KAZN: variants seen among roughly 807,000 people sequenced by gnomAD.
KAZN encodes the protein kazrin, periplakin interacting protein, also known as kazrin.
Under a neutral mutation model 87.4 loss-of-function variants are expected in KAZN, and 40 were observed. The ratio of observed to expected loss-of-function variants is 0.46; its 90% CI spans 0.36 to 0.60. The LOEUF is 0.60. Ranked by LOEUF, KAZN falls within the 20% of genes least tolerant of loss-of-function variation. KAZN has a pLI of 0.00. For missense variants in KAZN, 898 were observed against 1,073.9 expected (o/e 0.84, Z 2.29); for synonymous variants, 466 against 458.3 (o/e 1.02, Z -0.22).
chr1:15,043,204 G>T (rs1431281912), intron 3 of KAZN, among the ~76,000 whole-genome samples: 1 of 152,232 alleles, frequency 6.6e-6, no homozygotes. Flanking sequence ...GGACCTTGTG[G>T]CAGTCCAGAC....
Position 14,919,759 on chromosome 1 carries a change from G to A in KAZN, c.227-40925G>A, listed in dbSNP as rs148713579. ...CGCATATCTGATGATGGTCCCGTAA[G>A]ATTATACTGTATTTTTACTGTAGTT... is the stretch of plus-strand genomic sequence containing the variant. On this transcript the variant is annotated intron_variant, in intron 1 of 14. Coordinates refer to ENST00000376030, the MANE Select transcript of KAZN (RefSeq NM_201628.3). 3.3e-5 allele frequency among the ~76,000 whole-genome samples: 5 copies of A among 152,316 alleles called. No homozygotes were observed. In the East Asian group the frequency reaches 9.7e-4, roughly 29 times the overall value.
chr1:14,495,128 T>C (rs915029841), intron 2 of KAZN, among the ~76,000 whole-genome samples: 1 of 152,258 alleles, frequency 6.6e-6, no homozygotes, highest in African/African-American at 2.4e-5. Context: ...CAGAACGGTA[T>C]GCATCATTAA....
Position 14,154,993 on chromosome 1 carries a change from C to CCTTCCTTCCTTCCTTA in KAZN, c.92-25439_92-25438insCCTTCCTTCCTTACTT, listed in dbSNP as rs1440736028. Among the ~76,000 whole-genome samples, 5 of 143,170 alleles carry CCTTCCTTCCTTCCTTA rather than the reference C, an allele frequency of 3.5e-5. 1 individual carries two copies. Among genetic ancestry groups the CCTTCCTTCCTTCCTTA allele is most frequent in the African/African-American group, 1.2e-4 (5 of 40,154 alleles). The allele number at this position is 143,170 out of a possible 152,430, so 93.9% of individuals were successfully genotyped here. On this transcript the variant is annotated intron_variant, in intron 1 of 16. Coordinates refer to the KAZN transcript ENST00000636203. ...TCCTTCCTTCCTTCCTTCCTTCCTT[C>CCTTCCTTCCTTCCTTA]CTTTTTCTGATGTGTCTTTGCCTGG...
rs775828163 is a variant in KAZN, at chr1:14,769,707, C to A, written c.226+170484C>A. 6.6e-6 allele frequency among the ~76,000 whole-genome samples: 1 copy of A among 152,174 alleles called. No individual in the cohort carries two copies. The highest frequency in any genetic ancestry group is 1.5e-5 in the Non-Finnish European group (1 of 68,048). On this transcript the variant is annotated intron_variant, in intron 1 of 14. Coordinates refer to ENST00000376030, the MANE Select transcript of KAZN (RefSeq NM_201628.3). This position sits in a 1 kb window ranked among gnomAD's most constrained non-coding sequence, Gnocchi z 4.1. ...CTCTTGATTAGTGTCTAAGTGATTGCGGGAAATTAACACTGGTCCTTCATT... is the reference window on the plus strand; with the variant it reads ...CTCTTGATTAGTGTCTAAGTGATTGAGGGAAATTAACACTGGTCCTTCATT...
chr1:14,830,062 A>G (rs1190525657), intron 1 of KAZN, among the ~76,000 whole-genome samples: 1 of 152,232 alleles, frequency 6.6e-6, no homozygotes, highest in East Asian at 1.9e-4. Flanking sequence ...TGGTTTAATA[A>G]TAACAGGTGT....
At chr1:14,521,908 T>A (rs940392477) in intron 2 of KAZN, among the ~76,000 whole-genome samples, 3 of 152,108 alleles carry the variant, frequency 2.0e-5, no homozygotes, top group Non-Finnish European at 4.4e-5. Context: ...TAGGAAAAAA[T>A]TCATTTTCGG....
chr1:14,885,320 C>T (rs918381233), intron 1 of KAZN, among the ~76,000 whole-genome samples: 14 of 151,992 alleles, frequency 9.2e-5, no homozygotes, highest in Non-Finnish European at 1.5e-5. Flanking sequence ...GCTCCTTCTG[C>T]CTGCTGAACA....
chr1:13,993,061 G>C (rs1639358164), intron 1 of KAZN, among the ~76,000 whole-genome samples: 1 of 152,130 alleles, frequency 6.6e-6, no homozygotes, highest in African/African-American at 2.4e-5. Flanking sequence ...TGTCAGGCTT[G>C]ACCATGTGAT....
intron 1 of KAZN, among the ~76,000 whole-genome samples, chr1:14,044,558 G>A (rs1641977273): frequency 6.6e-6 from 1 of 152,226 alleles, no homozygotes; most frequent in African/African-American, 2.4e-5. Context: ...TGACTAGCAT[G>A]TTGTAAGGAC....
chr1:14,870,153 A>G (rs1651980560), intron 1 of KAZN, among the ~76,000 whole-genome samples: 2 of 152,004 alleles, frequency 1.3e-5, no homozygotes, highest in Non-Finnish European at 2.9e-5. Flanking sequence ...TGCTGGGGAG[A>G]TTCCTTGAAC....
chr1:14,791,765 G>C (rs895502359), intron 1 of KAZN, among the ~76,000 whole-genome samples: 3 of 152,252 alleles, frequency 2.0e-5, no homozygotes, highest in African/African-American at 7.2e-5. Flanking sequence ...TCCCTGGCAC[G>C]CTTGCCTGAG....
chr1:14,961,616 C>T (rs1557664571), intron 2 of KAZN, among the ~76,000 whole-genome samples: 2 of 152,198 alleles, frequency 1.3e-5, no homozygotes, highest in African/African-American at 2.4e-5. Flanking sequence ...GCTTGGAGAA[C>T]TCAGGCATGA....
At chr1:14,123,383 A>G (rs1007867211) in intron 1 of KAZN, among the ~76,000 whole-genome samples, 1 of 152,172 alleles carries the variant, frequency 6.6e-6, no homozygotes, top group Admixed American at 6.5e-5. Context: ...GTTGATGTGT[A>G]TGTACCTTCT....
rs57257656 is a variant in KAZN, at chr1:15,019,534, G to A, written c.419-15215G>A. 4.9e-4 allele frequency among the ~76,000 whole-genome samples: 74 copies of A among 152,204 alleles called. 1 individual carries two copies. In the East Asian group the frequency reaches 0.011, roughly 23 times the overall value. On this transcript the variant is annotated intron_variant, in intron 2 of 14. Transcript: ENST00000376030. Reference sequence around the variant, plus strand: ...CTCCCTAGTATCTGGGATTACAAGCGCCCGCCACCACGCCAAGCTAATTTT... The same window carrying A: ...CTCCCTAGTATCTGGGATTACAAGCACCCGCCACCACGCCAAGCTAATTTT...
intron 1 of KAZN, among the ~76,000 whole-genome samples, chr1:14,127,087 C>T (rs1045790020): frequency 1.4e-5 from 2 of 143,782 alleles, no homozygotes; most frequent in African/African-American, 5.3e-5. Flanking sequence ...GCCTGGGTGA[C>T]AGAATGCGAC....
chr1:14,314,830 C>T (rs1655544509), intron 2 of KAZN, among the ~76,000 whole-genome samples: 1 of 152,132 alleles, frequency 6.6e-6, no homozygotes, highest in South Asian at 2.1e-4. Flanking sequence ...AGCCACTCCC[C>T]ATTCTCCCTT....
At chr1:14,371,758 CG>C (rs574240085) in intron 2 of KAZN, among the ~76,000 whole-genome samples, 1 of 152,240 alleles carries the variant, frequency 6.6e-6, no homozygotes, top group East Asian at 1.9e-4. Context: ...TCTAGAGACA[CG>C]GATCTTGCCC....
intron 1 of KAZN, among the ~76,000 whole-genome samples, chr1:14,010,074 A>G (rs571725977): frequency 2.6e-5 from 4 of 152,230 alleles, no homozygotes; most frequent in Non-Finnish European, 5.9e-5. Flanking sequence ...TATCAGTATC[A>G]TCTGTGCTAT....
chr1:13,925,642 G>A (rs1042296692), intron 1 of KAZN, among the ~76,000 whole-genome samples: 2 of 152,216 alleles, frequency 1.3e-5, no homozygotes, highest in Non-Finnish European at 2.9e-5. Flanking sequence ...TTGGGACCTT[G>A]TAGACTGTTG....
Sources: gnomAD v4.1 joint callset for allele counts (sites outside exome capture counted in the v4.1 genomes callset) on GRCh38, gnomAD v4.1.1 for gene constraint, Gnocchi (gnomAD v3.1) non-coding constraint, MANE v1.5 for transcripts, NCBI Gene and HGNC (gene_info 2026-07-23, HGNC 2026-07-21) for gene names.